Variants in SEMA3D observed in about 807,000 individuals in gnomAD.
SEMA3D encodes semaphorin 3D.
Under a neutral mutation model 100.1 loss-of-function variants are expected in SEMA3D, and 84 were observed. That is an observed-to-expected ratio of 0.84 (90% confidence interval 0.70 to 1.01). SEMA3D has a LOEUF of 1.01. Ranked by LOEUF, SEMA3D falls within the 50% of genes least tolerant of loss-of-function variation. The probability of loss-of-function intolerance (pLI) is 0.00; values close to 1 mark genes in which losing one functional copy is unlikely to be tolerated. For synonymous variants in SEMA3D, 312 were observed against 320.7 expected (o/e 0.97, Z 0.29); for missense variants, 875 against 934.1 (o/e 0.94, Z 0.82).
chr7:85,134,211 C>T (rs776792531), intron 2 of SEMA3D, among the ~76,000 whole-genome samples: 1 of 151,688 alleles, frequency 6.6e-6, no homozygotes, highest in Non-Finnish European at 1.5e-5. Context: ...TTAGACTATA[C>T]AAAATAAAAG....
At chr7:85,051,683 A>G (rs1046883165) in intron 9 of SEMA3D, among the ~76,000 whole-genome samples, 1 of 151,932 alleles carries the variant, frequency 6.6e-6, no homozygotes, top group African/African-American at 2.4e-5. Context: ...TCAACTGGCT[A>G]TTGTGCCCCC....
At chr7:85,155,531 C>A (rs567410933) in intron 1 of SEMA3D, among the ~76,000 whole-genome samples, 1 of 152,090 alleles carries the variant, frequency 6.6e-6, no homozygotes, top group South Asian at 2.1e-4. Context: ...GTGTAACATG[C>A]AAAAGTACAC....
Position 85,038,762 on chromosome 7 carries a change from T to A in SEMA3D, c.1047-1729A>T, listed in dbSNP as rs532274817. On this transcript the variant is annotated intron_variant, in intron 11 of 18. Coordinates refer to ENST00000284136, the MANE Select transcript of SEMA3D (RefSeq NM_001384900.1). ...CTTCTTGTACCTTTTTATATTAGGA[T>A]ATAAATTAACAGGAAAATGGAGTCC... Among the ~76,000 whole-genome samples, 59 of 152,302 alleles carry A rather than the reference T, an allele frequency of 3.9e-4. No homozygotes were observed. The South Asian group carries it at 0.01, about 27-fold the overall frequency.
At chr7:85,246,690 GA>G in the SEMA3D span, among the ~76,000 whole-genome samples, 6 of 151,724 alleles carry the variant, frequency 4.0e-5, no homozygotes, top group Admixed American at 3.9e-4. Context: ...TACCAGCACT[GA>G]AAAAAACCTG....
At chr7:85,098,932 T>C (rs1788657838) in intron 3 of SEMA3D, among the ~76,000 whole-genome samples, 1 of 151,970 alleles carries the variant, frequency 6.6e-6, no homozygotes. Context: ...CATACATATG[T>C]TGCCTTTGCA....
At chr7:85,058,252 A>T (rs531311668) in intron 8 of SEMA3D, among the ~76,000 whole-genome samples, 26 of 152,130 alleles carry the variant, frequency 1.7e-4, no homozygotes, top group Non-Finnish European at 3.7e-4. Context: ...AACCACATAA[A>T]GTATTTAATT....
chr7:85,110,686 T>C (rs972717228), intron 3 of SEMA3D, among the ~76,000 whole-genome samples: 1 of 151,330 alleles, frequency 6.6e-6, no homozygotes, highest in Non-Finnish European at 1.5e-5. Context: ...GTGTAGATTA[T>C]CCGGCATGTC....
At chr7:85,014,638 G>T (rs1445369094) in intron 16 of SEMA3D, among the ~76,000 whole-genome samples, 1 of 151,594 alleles carries the variant, frequency 6.6e-6, no homozygotes, top group African/African-American at 2.4e-5. Flanking sequence ...TGCACTGTGG[G>T]TTTCATACAA....
chr7:85,164,883 T>C (rs1200824419), intron 1 of SEMA3D, among the ~76,000 whole-genome samples: 1 of 152,020 alleles, frequency 6.6e-6, no homozygotes, highest in Non-Finnish European at 1.5e-5. Flanking sequence ...CACTTAGAGA[T>C]ATAAAACATG....
rs766573184 is a variant in SEMA3D, at chr7:84,999,479, G to A, written c.2295C>T (p.His765=). Residue 765 remains histidine, a synonymous_variant, in exon 19 of 19, where the codon CAC becomes CAT. Transcript: ENST00000284136. ...CTCTAGGGAGCTCATCCAGGTCTCTGTGATGTCTTCGATTTCGTTTCTTCT... is the reference window on the plus strand; with the variant it reads ...CTCTAGGGAGCTCATCCAGGTCTCTATGATGTCTTCGATTTCGTTTCTTCT... ...EMKKKRNRRH[H]RDLDELPRAV... 6.2e-7 allele frequency: 1 copy of A among 1,614,084 alleles called. No individual in the cohort carries two copies. Among genetic ancestry groups the A allele is most frequent in the South Asian group, 1.1e-5 (1 of 91,078 alleles).
At chr7:85,237,394 C>T in the SEMA3D span, among the ~76,000 whole-genome samples, 41 of 152,184 alleles carry the variant, frequency 2.7e-4, no homozygotes, top group African/African-American at 8.7e-4. Context: ...GCTGTAGTAT[C>T]ATACAGAACA....
the SEMA3D span, among the ~76,000 whole-genome samples, chr7:85,201,460 T>C: frequency 6.6e-5 from 10 of 152,316 alleles, no homozygotes; most frequent in South Asian, 1.9e-3. Context: ...ATCTCCTTTT[T>C]AATCTTAACC....
chr7:85,021,496 C>T (rs951601497), intron 13 of SEMA3D, among the ~76,000 whole-genome samples: 1 of 151,756 alleles, frequency 6.6e-6, no homozygotes, highest in Non-Finnish European at 1.5e-5. Flanking sequence ...GTTTGACAAT[C>T]AATGACAAAG....
intron 3 of SEMA3D, among the ~76,000 whole-genome samples, chr7:85,104,979 G>A (rs996267830): frequency 6.6e-6 from 1 of 151,976 alleles, no homozygotes; most frequent in Admixed American, 6.6e-5. Flanking sequence ...TCAAAATACA[G>A]TCACCTTTCC....
chr7:85,004,433 C>T (rs908390641), intron 18 of SEMA3D, among the ~76,000 whole-genome samples: 1 of 151,922 alleles, frequency 6.6e-6, no homozygotes, highest in African/African-American at 2.4e-5. Context: ...TATTCAGATC[C>T]CAAAAGTTCA....
upstream of SEMA3D, among the ~76,000 whole-genome samples, chr7:85,190,750 A>T (rs1006050327): frequency 6.6e-6 from 1 of 152,138 alleles, no homozygotes; most frequent in South Asian, 2.1e-4. Context: ...AAAGACAGAA[A>T]ACAGTTTATC....
At chr7:85,241,467 G>GTATATATA in the SEMA3D span, among the ~76,000 whole-genome samples, 145 of 91,970 alleles carry the variant, frequency 1.6e-3, 4 homozygotes, top group African/African-American at 5.9e-3. Context: ...CTGTGTGTGT[G>GTATATATA]TATATATATA....
chr7:85,125,363 A>G (rs556910505), intron 2 of SEMA3D, among the ~76,000 whole-genome samples: 2 of 152,202 alleles, frequency 1.3e-5, no homozygotes, highest in South Asian at 4.1e-4. Flanking sequence ...CTGGTCATTA[A>G]TCGCTAAGAC....
At chr7:85,228,374 T>C in the SEMA3D span, among the ~76,000 whole-genome samples, 1 of 152,178 alleles carries the variant, frequency 6.6e-6, no homozygotes, top group Admixed American at 6.5e-5. Flanking sequence ...TTTTCATTTT[T>C]TAAAAAATAT....
Sources: gnomAD v4.1 joint callset for allele counts (sites outside exome capture counted in the v4.1 genomes callset) on GRCh38, gnomAD v4.1.1 for gene constraint, MANE v1.5 for transcripts, NCBI Gene and HGNC (gene_info 2026-07-23, HGNC 2026-07-21) for gene names.